The following TRPM6 variants were observed in gnomAD, a reference collection of about 807,000 sequenced individuals.
The protein encoded by TRPM6 is channel kinase 2.
TRPM6 carries 111 observed loss-of-function variants against 247.6 expected under a neutral mutation model. That is an observed-to-expected ratio of 0.45 (90% confidence interval 0.38 to 0.52). The LOEUF is 0.52. Among genes scored for constraint, TRPM6 ranks in the 20% least tolerant of loss-of-function variants. TRPM6 has a pLI of 0.00. For missense variants in TRPM6, 2,126 were observed against 2,421.5 expected, an observed-to-expected ratio of 0.88 and a Z score of 2.56; for synonymous variants, 892 against 853.8, an observed-to-expected ratio of 1.04 and a Z score of -0.78.
intron 23 of TRPM6, among the ~76,000 whole-genome samples, chr9:74,781,536 C>CAAAAAAAAA (rs35938872): frequency 1.8e-4 from 17 of 93,476 alleles, no homozygotes; most frequent in East Asian, 3.4e-4. Flanking sequence ...GACTCTATCT[C>CAAAAAAAAA]AAAAAAAAAA....
intron 1 of TRPM6, among the ~76,000 whole-genome samples, chr9:74,867,917 GC>G (rs1830902431): frequency 1.3e-5 from 2 of 152,118 alleles, no homozygotes; most frequent in South Asian, 4.1e-4. Flanking sequence ...ACTTTGGGAG[GC>G]CGATGCACAG....
intron 18 of TRPM6, 149 bp from the exon 19 acceptor site, chr9:74,792,919 G>A (rs1263335676): frequency 2.4e-5 from 18 of 740,334 alleles, no homozygotes; most frequent in African/African-American, 1.7e-4. Context: ...CACTTTGGGA[G>A]GCCAAGGTGG....
At chr9:74,754,238 T>C (rs142976674) in intron 28 of TRPM6, among the ~76,000 whole-genome samples, 5 of 152,304 alleles carry the variant, frequency 3.3e-5, no homozygotes, top group Non-Finnish European at 5.9e-5. Flanking sequence ...GCTATATCTA[T>C]AAATTGAGGG....
intron 3 of TRPM6, among the ~76,000 whole-genome samples, chr9:74,851,519 C>A (rs147805052): frequency 1.3e-5 from 2 of 150,816 alleles, no homozygotes; most frequent in African/African-American, 4.9e-5. Context: ...AGGCTGAGGA[C>A]GGCGGAACAT....
At position 74,834,341 on chromosome 9, in the gene TRPM6, C is replaced by T. The variant is rs555683693; in HGVS notation, c.545-219G>A. On this transcript the variant is annotated intron_variant, in intron 5 of 38. Transcript: ENST00000360774. ...ACCTCTCTCTACCTGAACAATGTTC[C>T]TCTGAGCCCTTTGGGCAATTTCTGC... Among the ~76,000 whole-genome samples, 25 of 152,222 alleles carry T rather than the reference C, an allele frequency of 1.6e-4. 1 individual carries two copies. The highest frequency in any genetic ancestry group is 6.0e-4 in the African/African-American group (25 of 41,518).
intron 23 of TRPM6, among the ~76,000 whole-genome samples, chr9:74,777,908 A>G (rs17060462): frequency 0.011 from 1,616 of 152,326 alleles, 20 homozygotes; most frequent in African/African-American, 0.036. Context: ...GTAGTTATGT[A>G]TCCTGTTTCC....
At chr9:74,869,640 G>A (rs1830963151) in intron 1 of TRPM6, among the ~76,000 whole-genome samples, 1 of 151,942 alleles carries the variant, frequency 6.6e-6, no homozygotes, top group Admixed American at 6.6e-5. Flanking sequence ...GAAGGAGCAG[G>A]TTCTAATGCT....
intron 1 of TRPM6, among the ~76,000 whole-genome samples, chr9:74,871,458 A>G (rs983716459): frequency 6.6e-6 from 1 of 152,184 alleles, no homozygotes; most frequent in African/African-American, 2.4e-5. Flanking sequence ...TAATAACCTT[A>G]TATATAGAAT....
rs1298601838 is a variant in TRPM6, at chr9:74,796,799, T to C, written c.2333A>G (p.Gln778Arg). ...MSHVPQSQDF[Q>R]FMWYYSDQNA... ...CTGGTCACTGTAATACCACATAAAT[T>C]GGAAGTCCTGGGACTGGGGAACATG... Residue 778 changes from glutamine (Q) to arginine (R), a missense_variant, in exon 18 of 39, where the codon CAA (glutamine) becomes CGA (arginine). Physicochemically the swap from Gln to Arg is conservative, Grantham distance 43. This residue lies in a region of TRPM6 where 1,082 missense variants were observed against 1,307.9 expected (regional missense o/e 0.83). Transcript: ENST00000360774. 5.0e-6 allele frequency: 8 copies of C among 1,614,044 alleles called. No individual in the cohort carries two copies. The highest frequency in any genetic ancestry group is 6.8e-6 in the Non-Finnish European group (8 of 1,179,928).
At chr9:74,803,127 A>C (rs1828401458) in intron 15 of TRPM6, among the ~76,000 whole-genome samples, 6 of 152,244 alleles carry the variant, frequency 3.9e-5, no homozygotes. Flanking sequence ...ATTGATGATG[A>C]CCAAGAGTAA....
At chr9:74,774,459 T>C (rs570138671) in intron 24 of TRPM6, among the ~76,000 whole-genome samples, 127 of 152,114 alleles carry the variant, frequency 8.3e-4, no homozygotes, top group Middle Eastern at 3.4e-3. Flanking sequence ...CTGAATCTCT[T>C]GGTCAGGGAG....
At chr9:74,791,765 CT>C (rs892701608) in intron 19 of TRPM6, among the ~76,000 whole-genome samples, 2 of 151,954 alleles carry the variant, frequency 1.3e-5, no homozygotes. Context: ...TGCTGATTTT[CT>C]TTTTTTTGAG....
intron 36 of TRPM6, among the ~76,000 whole-genome samples, 197 bp from the exon 37 acceptor site, chr9:74,732,933 C>T (rs928106147): frequency 1.1e-4 from 16 of 152,152 alleles, no homozygotes; most frequent in African/African-American, 3.9e-4. Context: ...GTGGCTCACG[C>T]CTGTAATCCC....
intron 27 of TRPM6, among the ~76,000 whole-genome samples, chr9:74,757,911 T>G (rs1405510627): frequency 1.3e-5 from 2 of 151,964 alleles, no homozygotes; most frequent in Admixed American, 6.6e-5. Flanking sequence ...ATACTCCATC[T>G]CAAAAATAAA....
intron 1 of TRPM6, among the ~76,000 whole-genome samples, chr9:74,878,884 T>C (rs1281233644): frequency 1.3e-5 from 2 of 152,176 alleles, no homozygotes; most frequent in Non-Finnish European, 2.9e-5. Context: ...CTTGAGAAGC[T>C]GATGCAGGAG....
In TRPM6 at chr9:74,833,979, G is replaced by A. The variant is rs775711271; in HGVS notation, c.669+19C>T. 3.7e-6 allele frequency: 6 copies of A among 1,613,634 alleles called. No individual in the cohort carries two copies. The highest frequency in any genetic ancestry group is 1.1e-5 in the South Asian group (1 of 91,044). On this transcript the variant is annotated intron_variant, in intron 6 of 38. Transcript: ENST00000360774. ...ACACGTGTTCGTTTGCTTTTGTTAT[G>A]AAAGGATTGTCTACTTACATCTTTT...
At chr9:74,734,221 T>C (rs1223174311) in intron 36 of TRPM6, among the ~76,000 whole-genome samples, 1 of 152,204 alleles carries the variant, frequency 6.6e-6, no homozygotes, top group African/African-American at 2.4e-5. Context: ...CTGAGATCAT[T>C]CTCTAATCAA....
At chr9:74,746,235 T>A (rs1326788556) in intron 31 of TRPM6, among the ~76,000 whole-genome samples, 1 of 144,258 alleles carries the variant, frequency 6.9e-6, no homozygotes, top group Non-Finnish European at 1.5e-5. Context: ...TGAGACTCCA[T>A]CTCAAAAAAA....
chr9:74,847,688 CAT>C (rs1198465993), intron 3 of TRPM6, among the ~76,000 whole-genome samples: 2 of 151,154 alleles, frequency 1.3e-5, no homozygotes, highest in Non-Finnish European at 2.9e-5. Flanking sequence ...TAGTCAAAGT[CAT>C]ATATATATAG....
Sources: allele counts gnomAD v4.1 joint callset (sites outside exome capture counted in the v4.1 genomes callset), GRCh38; gene constraint gnomAD v4.1.1; regional missense constraint gnomAD v4.1.1; transcripts MANE v1.5; gene names NCBI Gene and HGNC (gene_info 2026-07-23, HGNC 2026-07-21).